TDRD7: variants seen among roughly 807,000 people sequenced by gnomAD.
The protein encoded by TDRD7 is tudor domain containing 7, also known as tudor domain-containing protein 7.
Under a neutral mutation model 109.8 loss-of-function variants are expected in TDRD7, and 47 were observed. That is an observed-to-expected ratio of 0.43 (90% confidence interval 0.34 to 0.55). TDRD7 has a LOEUF of 0.55. Ranked by LOEUF, TDRD7 falls within the 20% of genes least tolerant of loss-of-function variation. TDRD7 has a pLI of 0.03. For synonymous variants in TDRD7, 424 were observed against 457.3 expected (o/e 0.93, Z 0.93); for missense variants, 1,164 against 1,319.2 (o/e 0.88, Z 1.82).
At position 97,460,308 on chromosome 9, in the gene TDRD7, C is replaced by T. The variant is rs776266101; in HGVS notation, c.986C>T (p.Pro329Leu). The T allele has an allele frequency of 1.2e-5, 20 of 1,614,036 alleles. No homozygotes were observed. The highest frequency in any genetic ancestry group is 5.5e-5 in the South Asian group (5 of 91,088). Reference protein sequence around the residue: ...SPLPGPKQTPPLKGCPTVMAG... With the variant: ...SPLPGPKQTPLLKGCPTVMAG... Reference sequence around the variant, plus strand: ...CTACCTGGTCCCAAACAAACACCACCGTTGAAAGGGTGTCCAACAGTTATG... The same window carrying T: ...CTACCTGGTCCCAAACAAACACCACTGTTGAAAGGGTGTCCAACAGTTATG... Residue 329 changes from proline (P) to leucine (L), a missense_variant, in exon 7 of 17, where the codon CCG (proline) becomes CTG (leucine). By Grantham distance (98) the Pro-to-Leu change is moderately conservative. Around this residue, in one of 5 missense-constraint regions of TDRD7, gnomAD observed 407 missense variants for 394.0 expected, o/e 1.03. Coordinates refer to ENST00000355295, the MANE Select transcript of TDRD7 (RefSeq NM_014290.3).
At chr9:97,428,096 G>A (rs1349179471) in intron 1 of TDRD7, among the ~76,000 whole-genome samples, 1 of 152,026 alleles carries the variant, frequency 6.6e-6, no homozygotes, top group Non-Finnish European at 1.5e-5. Flanking sequence ...TCACCTCTGT[G>A]CACTCGCACA....
Position 97,470,238 on chromosome 9 carries a change from G to C in TDRD7, c.1630-320G>C, listed in dbSNP as rs1158799799. Among the ~76,000 whole-genome samples, 9 of 152,212 alleles carry C rather than the reference G, an allele frequency of 5.9e-5. No individual in the cohort carries two copies. The South Asian group carries it at 6.2e-4, about 10-fold the overall frequency. On this transcript the variant is annotated intron_variant, in intron 8 of 16. Transcript: ENST00000355295. Reference sequence around the variant, plus strand: ...GAAAGCACCAAAGGGGAGGGGAGCAGAGTTGGCAGAACCAGGTAGATAGGC... The same window carrying C: ...GAAAGCACCAAAGGGGAGGGGAGCACAGTTGGCAGAACCAGGTAGATAGGC...
intron 4 of TDRD7, among the ~76,000 whole-genome samples, chr9:97,432,857 T>C (rs1303543403): frequency 3.3e-5 from 5 of 152,198 alleles, no homozygotes; most frequent in Non-Finnish European, 5.9e-5. Flanking sequence ...CTACAATCGA[T>C]GGACTACATC....
intron 4 of TDRD7, among the ~76,000 whole-genome samples, chr9:97,438,969 T>C (rs548250285): frequency 2.0e-5 from 3 of 152,328 alleles, no homozygotes; most frequent in Non-Finnish European, 4.4e-5. Flanking sequence ...CAGTTTCTTA[T>C]AAGTGATTAA....
At chr9:97,440,755 G>C (rs1828288941) in intron 5 of TDRD7, among the ~76,000 whole-genome samples, 2 of 152,022 alleles carry the variant, frequency 1.3e-5, no homozygotes, top group African/African-American at 4.8e-5. Flanking sequence ...GATACTATCT[G>C]CTTAAAATAT....
intron 12 of TDRD7, among the ~76,000 whole-genome samples, chr9:97,477,588 C>T (rs1254527458): frequency 2.6e-5 from 4 of 151,886 alleles, no homozygotes; most frequent in Non-Finnish European, 4.4e-5. Context: ...TGTATATTGT[C>T]TACCTTCAAG....
chr9:97,465,071 C>A, intron 8 of TDRD7, 43 bp downstream of exon 8: 1 of 1,575,120 alleles, frequency 6.3e-7, no homozygotes, highest in Non-Finnish European at 8.6e-7. Flanking sequence ...GATACAAATA[C>A]CTTATTATTT....
At chr9:97,420,034 G>T (rs994708037) in intron 1 of TDRD7, among the ~76,000 whole-genome samples, 14 of 151,974 alleles carry the variant, frequency 9.2e-5, no homozygotes, top group African/African-American at 2.9e-4. Context: ...TTACATAAGA[G>T]AAATAAAAAC....
chr9:97,491,431 T>C (rs1829306691), intron 16 of TDRD7, among the ~76,000 whole-genome samples: 1 of 152,222 alleles, frequency 6.6e-6, no homozygotes, highest in Non-Finnish European at 1.5e-5. Context: ...TCAAACTGTG[T>C]TTTTTTCCTT....
chr9:97,485,901 ATGGAGTAT>A (rs1410281102), intron 15 of TDRD7, among the ~76,000 whole-genome samples: 3 of 152,194 alleles, frequency 2.0e-5, no homozygotes, highest in African/African-American at 7.2e-5. Flanking sequence ...TCTGGGACTC[ATGGAGTAT>A]TGCTTGCTGC....
chr9:97,433,037 A>G (rs890566334), intron 4 of TDRD7, among the ~76,000 whole-genome samples: 1 of 152,170 alleles, frequency 6.6e-6, no homozygotes. Flanking sequence ...TTACAGAAAA[A>G]GGTTGCTGAC....
chr9:97,463,840 A>G (rs1390445242), intron 7 of TDRD7, among the ~76,000 whole-genome samples: 1 of 152,362 alleles, frequency 6.6e-6, no homozygotes, highest in East Asian at 1.9e-4. Flanking sequence ...CCTGAAAAAA[A>G]ATATTTCTCA....
chr9:97,417,719 A>G (rs1405764692), intron 1 of TDRD7, among the ~76,000 whole-genome samples: 1 of 152,240 alleles, frequency 6.6e-6, no homozygotes, highest in Non-Finnish European at 1.5e-5. Flanking sequence ...ATCTTCTGCA[A>G]TCCCCTGCCC....
rs796145816 is a variant in TDRD7, at chr9:97,471,082, G to A, written c.1741+413G>A. 7.9e-5 allele frequency among the ~76,000 whole-genome samples: 12 copies of A among 152,220 alleles called. 1 individual carries two copies. The highest frequency in any genetic ancestry group is 2.9e-4 in the African/African-American group (12 of 41,524). On this transcript the variant is annotated intron_variant, in intron 9 of 16. Coordinates refer to ENST00000355295, the MANE Select transcript of TDRD7 (RefSeq NM_014290.3). ...GAGGGTGTGACTGACACACCTTCAT[G>A]TGCCCAAGCATGGGTTTGATCACAG...
chr9:97,429,626 A>G (rs901228743), intron 2 of TDRD7, among the ~76,000 whole-genome samples: 1 of 152,238 alleles, frequency 6.6e-6, no homozygotes, highest in African/African-American at 2.4e-5. Context: ...AATTAATTAA[A>G]TGTTATATGA....
chr9:97,428,925 A>T (rs1828053649), intron 2 of TDRD7, among the ~76,000 whole-genome samples: 2 of 152,244 alleles, frequency 1.3e-5, no homozygotes, highest in Non-Finnish European at 2.9e-5. Flanking sequence ...CCCAATGTCA[A>T]CATCTAAACA....
intron 1 of TDRD7, among the ~76,000 whole-genome samples, chr9:97,423,952 C>T (rs1160577007): frequency 6.6e-6 from 1 of 150,816 alleles, no homozygotes; most frequent in Admixed American, 6.6e-5. Flanking sequence ...ATCTCATGTG[C>T]TCTTGAAAAG....
chr9:97,460,806 T>C, intron 7 of TDRD7, 42 bp downstream of exon 7: 1 of 1,549,838 alleles, frequency 6.5e-7, no homozygotes, highest in Non-Finnish European at 8.9e-7. Flanking sequence ...TGATATACTT[T>C]TGTCACTTGT....
At chr9:97,445,347 A>C (rs1828382594) in intron 6 of TDRD7, among the ~76,000 whole-genome samples, 1 of 152,214 alleles carries the variant, frequency 6.6e-6, no homozygotes, top group Non-Finnish European at 1.5e-5. Flanking sequence ...GGTGTTAGGG[A>C]TAAAACAGTA....
Sources: gnomAD v4.1 joint callset for allele counts (sites outside exome capture counted in the v4.1 genomes callset) on GRCh38, gnomAD v4.1.1 for gene constraint, gnomAD v4.1.1 regional missense constraint, MANE v1.5 for transcripts, NCBI Gene and HGNC (gene_info 2026-07-23, HGNC 2026-07-21) for gene names.